GLIPR1: variants seen among roughly 807,000 people sequenced by gnomAD.
The protein encoded by GLIPR1 is glioma pathogenesis-related protein 1.
A neutral mutation model predicts 30.3 loss-of-function variants in GLIPR1; 38 were observed. That is an observed-to-expected ratio of 1.26 (90% CI 0.97 to 1.65). GLIPR1 has a LOEUF of 1.65. GLIPR1 is among the 40% of genes most tolerant of loss of function. The probability of loss-of-function intolerance (pLI) is 0.00; values close to 1 mark genes in which losing one functional copy is unlikely to be tolerated. For missense variants in GLIPR1, 285 were observed against 326.5 expected (o/e 0.87, Z 0.98); for synonymous variants, 122 against 110.6 (o/e 1.10, Z -0.65).
At chr12:75,489,075 C>A (rs1415034847) in intron 2 of GLIPR1, among the ~76,000 whole-genome samples, 1 of 152,162 alleles carries the variant, frequency 6.6e-6, no homozygotes, top group Non-Finnish European at 1.5e-5. Context: ...ATACTCTCTT[C>A]TTTAGGCTTT....
chr12:75,499,621 T>G lies in GLIPR1; in HGVS notation c.*643T>G, dbSNP rs1428765253. 1.4e-5 allele frequency: 5 copies of G among 349,742 alleles called. No homozygotes were observed. Among genetic ancestry groups the G allele is most frequent in the Non-Finnish European group, 2.5e-5 (5 of 199,650 alleles). 21.7% of individuals were successfully genotyped at this position (349,742 alleles called of 1,614,324 possible). A position where few individuals can be genotyped will look rare whatever the true frequency, so the allele number is the denominator to read the frequency against. ...GTATACAAAGACTTATATACCACTTTCTCGTATAAATTTTTCAAAAAATAC... is the reference window on the plus strand; with the variant it reads ...GTATACAAAGACTTATATACCACTTGCTCGTATAAATTTTTCAAAAAATAC... On this transcript the variant is annotated 3_prime_UTR_variant, in exon 6 of 6. Coordinates refer to ENST00000266659, the MANE Select transcript of GLIPR1 (RefSeq NM_006851.3).
At chr12:75,496,009 G>GTTT (rs67599616) in intron 4 of GLIPR1, 25 of 139,600 alleles carry the variant, frequency 1.8e-4, no homozygotes, top group South Asian at 3.9e-4. Context: ...TTTTTTTTTT[G>GTTT]TTTTTTTTTT....
In GLIPR1 at chr12:75,502,641, T is replaced by C. The variant is rs1399547636; in HGVS notation, c.*3663T>C. ...CTCACTAACAATTCTTTAAGATAGG[T>C]ATTACCATTACTCCCACTTTAGGTA... is the stretch of plus-strand genomic sequence containing the variant. On this transcript the variant is annotated 3_prime_UTR_variant, in exon 6 of 6. Transcript: ENST00000266659. 2 of 152,072 alleles carry C rather than the reference T, an allele frequency of 1.3e-5. No individual in the cohort carries two copies. Among genetic ancestry groups the C allele is most frequent in the Admixed American group, 6.6e-5 (1 of 15,220 alleles). 9.4% of individuals were successfully genotyped at this position (152,072 alleles called of 1,614,324 possible).
At chr12:75,498,311 A>T (rs1367987868) in intron 4 of GLIPR1, 1 of 165,010 alleles carries the variant, frequency 6.1e-6, no homozygotes, top group Non-Finnish European at 1.3e-5. Flanking sequence ...CTATGGATTC[A>T]TCATAAACAG....
At position 75,499,310 on chromosome 12, in the gene GLIPR1, A is replaced by G. The variant is rs1009454182; in HGVS notation, c.*332A>G. 3 of 180,342 alleles carry G rather than the reference A, an allele frequency of 1.7e-5. No individual in the cohort carries two copies. Among genetic ancestry groups the G allele is most frequent in the African/African-American group, 7.0e-5 (3 of 42,722 alleles). 11.2% of individuals were successfully genotyped at this position (180,342 alleles called of 1,614,324 possible). A position where few individuals can be genotyped will look rare whatever the true frequency, so the allele number is the denominator to read the frequency against. On this transcript the variant is annotated 3_prime_UTR_variant, in exon 6 of 6. Transcript: ENST00000266659. Reference sequence around the variant, plus strand: ...CTCCAGTAGCCTTCATTAGTTAAAAACATTATTATTTTTTGCATGCTGCTT... The same window carrying G: ...CTCCAGTAGCCTTCATTAGTTAAAAGCATTATTATTTTTTGCATGCTGCTT...
At chr12:75,494,897 T>C (rs1332906418) in intron 3 of GLIPR1, 1 of 152,246 alleles carries the variant, frequency 6.6e-6, no homozygotes, top group Non-Finnish European at 1.5e-5. Flanking sequence ...TAGACAACAG[T>C]AACTTCCTCA....
intron 1 of GLIPR1, 85 bp from the exon 2 acceptor site, chr12:75,481,749 C>A: frequency 7.9e-7 from 1 of 1,265,260 alleles, no homozygotes; most frequent in Non-Finnish European, 1.1e-6. Flanking sequence ...CCTTATCTCA[C>A]CTCGTTTTCC....
chr12:75,499,801 T>G lies in GLIPR1; in HGVS notation c.*823T>G, dbSNP rs780825933. 1 of 1,592,772 alleles carries G rather than the reference T, an allele frequency of 6.3e-7. No homozygotes were observed. The highest frequency in any genetic ancestry group is 8.5e-7 in the Non-Finnish European group (1 of 1,171,854). On this transcript the variant is annotated 3_prime_UTR_variant, in exon 6 of 6. Coordinates refer to ENST00000266659, the MANE Select transcript of GLIPR1 (RefSeq NM_006851.3). ...GGAGATAGTTCTAGTCAAGGAGTTTTGGGTATGTTACTTTTTTTTCTTCTT... is the reference window on the plus strand; with the variant it reads ...GGAGATAGTTCTAGTCAAGGAGTTTGGGGTATGTTACTTTTTTTTCTTCTT...
intron 2 of GLIPR1, chr12:75,489,818 T>G (rs2120525111): frequency 6.6e-6 from 1 of 152,512 alleles, no homozygotes; most frequent in South Asian, 2.1e-4. Flanking sequence ...GTTCACTTCG[T>G]GACCTAAGAC....
Position 75,490,557 on chromosome 12 carries a change from C to A in GLIPR1, c.533+39C>A, listed in dbSNP as rs749400301. On this transcript the variant is annotated intron_variant, in intron 3 of 5. Coordinates refer to ENST00000266659, the MANE Select transcript of GLIPR1 (RefSeq NM_006851.3). ...TCAACCGGTTTATAGGAAACGCCCCCCCCCCCCCGCAAAAAAAAACAACAA... is the reference window on the plus strand; with the variant it reads ...TCAACCGGTTTATAGGAAACGCCCCACCCCCCCCGCAAAAAAAAACAACAA... 5.8e-5 allele frequency: 9 copies of A among 155,562 alleles called. 2 individuals are homozygous for A. Among genetic ancestry groups the A allele is most frequent in the Non-Finnish European group, 8.8e-5 (9 of 102,622 alleles). 9.6% of individuals were successfully genotyped at this position (155,562 alleles called of 1,614,324 possible).
Position 75,499,076 on chromosome 12 carries a change from T to C in GLIPR1, c.*98T>C, listed in dbSNP as rs2046371797. The C allele has an allele frequency of 4.1e-6, 3 of 728,658 alleles. No individual in the cohort carries two copies. The highest frequency in any genetic ancestry group is 2.9e-5 in the East Asian group (1 of 34,980). The allele number at this position is 728,658 out of a possible 1,614,324, so 45.1% of individuals were successfully genotyped here. A position where few individuals can be genotyped will look rare whatever the true frequency, so the allele number is the denominator to read the frequency against. ...TAGGTGTACTTCTATTTTAAAACAT[T>C]TCAGAAAAAAATATATGTTATAGCA... On this transcript the variant is annotated 3_prime_UTR_variant, in exon 6 of 6. Coordinates refer to ENST00000266659, the MANE Select transcript of GLIPR1 (RefSeq NM_006851.3).
Position 75,481,838 on chromosome 12 carries a change from G to T in GLIPR1, c.179G>T (p.Trp60Leu), listed in dbSNP as rs2046272267. 6.2e-7 allele frequency: 1 copy of T among 1,613,698 alleles called. No individual in the cohort carries two copies. Among genetic ancestry groups the T allele is most frequent in the South Asian group, 1.1e-5 (1 of 91,048 alleles). ...PTASDMLYMTWDPALAQIAKA... is the reference protein window; with the variant it reads ...PTASDMLYMTLDPALAQIAKA... ...GTTTAATGTTTATTTTTGCAGACTT[G>T]GGACCCAGCACTAGCCCAAATTGCA... The change falls in exon 2 of 6, where the codon TGG becomes TTG. Residue 60 changes from tryptophan (W) to leucine (L), a missense_variant. Coordinates refer to ENST00000266659, the MANE Select transcript of GLIPR1 (RefSeq NM_006851.3).
chr12:75,490,831 T>C (rs1594058690), intron 3 of GLIPR1: 1 of 189,070 alleles, frequency 5.3e-6, no homozygotes, highest in East Asian at 1.3e-4. Flanking sequence ...ATAAATTGTA[T>C]ATGGTAATAC....
chr12:75,491,906 C>G (rs988026769), intron 3 of GLIPR1: 2 of 151,834 alleles, frequency 1.3e-5, no homozygotes, highest in Admixed American at 1.3e-4. Context: ...AAGCCATTTC[C>G]CTGGTGTAAT....
chr12:75,481,831 C>T lies in GLIPR1; in HGVS notation c.175-3C>T. The T allele has an allele frequency of 6.2e-7, 1 of 1,613,226 alleles. No homozygotes were observed. The highest frequency in any genetic ancestry group is 8.5e-7 in the Non-Finnish European group (1 of 1,179,370). The stretch of plus-strand genomic sequence containing the variant: ...CCCTATTGTTTAATGTTTATTTTTG[C>T]AGACTTGGGACCCAGCACTAGCCCA... On this transcript the variant is annotated splice_polypyrimidine_tract_variant and splice_region_variant and intron_variant, in intron 1 of 5. Transcript: ENST00000266659.
intron 3 of GLIPR1, chr12:75,494,184 A>G (rs552491971): frequency 5.9e-5 from 9 of 152,350 alleles, no homozygotes; most frequent in Admixed American, 4.6e-4. Flanking sequence ...AGGTATCGTT[A>G]TAAAGTTGTG....
Position 75,490,516 on chromosome 12 carries a change from A to G in GLIPR1, c.531A>G (p.Pro177=), listed in dbSNP as rs2046315860. 1.1e-6 allele frequency: 1 copy of G among 906,638 alleles called. No individual in the cohort carries two copies. The highest frequency in any genetic ancestry group is 1.6e-6 in the Non-Finnish European group (1 of 622,102). The allele number at this position is 906,638 out of a possible 1,614,324, so 56.2% of individuals were successfully genotyped here. The change falls in exon 3 of 6, where the codon CCA becomes CCG. Residue 177 remains proline (P), a splice_region_variant and synonymous_variant. Coordinates refer to ENST00000266659, the MANE Select transcript of GLIPR1 (RefSeq NM_006851.3). Reference sequence around the variant, plus strand: ...CACATTTTATATGCAACTACGGACCAGGGTAAGTGCCTGAATCAACCGGTT... The same window carrying G: ...CACATTTTATATGCAACTACGGACCGGGGTAAGTGCCTGAATCAACCGGTT... ...NGAHFICNYG[P]GGNYPTWPYK...
Position 75,482,085 on chromosome 12 carries a change from G to A in GLIPR1, c.420+6G>A. ...TCTGTGGCCACTACACTCAGGTAAG[G>A]ATCTGCCCTATATTATCTTGAAACT... On this transcript the variant is annotated splice_donor_region_variant and intron_variant, in intron 2 of 5. Coordinates refer to ENST00000266659, the MANE Select transcript of GLIPR1 (RefSeq NM_006851.3). 16 of 1,612,548 alleles carry A rather than the reference G, an allele frequency of 9.9e-6. No homozygotes were observed. The highest frequency in any genetic ancestry group is 1.4e-5 in the Non-Finnish European group (16 of 1,178,694).
chr12:75,499,800 T>G lies in GLIPR1; in HGVS notation c.*822T>G, dbSNP rs1473491276. 7.5e-6 allele frequency: 12 copies of G among 1,592,188 alleles called. No individual in the cohort carries two copies. The highest frequency in any genetic ancestry group is 1.1e-5 in the South Asian group (1 of 87,062). ...AGGAGATAGTTCTAGTCAAGGAGTT[T>G]TGGGTATGTTACTTTTTTTTCTTCT... On this transcript the variant is annotated 3_prime_UTR_variant, in exon 6 of 6. Coordinates refer to ENST00000266659, the MANE Select transcript of GLIPR1 (RefSeq NM_006851.3).
Sources: allele counts gnomAD v4.1 joint callset (sites outside exome capture counted in the v4.1 genomes callset), GRCh38; gene constraint gnomAD v4.1.1; transcripts MANE v1.5; gene names NCBI Gene and HGNC (gene_info 2026-07-23, HGNC 2026-07-21).